SNX29: variants seen among roughly 807,000 people sequenced by gnomAD.
SNX29 encodes sorting nexin-29.
SNX29 carries 78 observed loss-of-function variants against 102.1 expected under a neutral mutation model. That is an observed-to-expected ratio of 0.76 (90% CI 0.64 to 0.92). The LOEUF is 0.92. Ranked by LOEUF, SNX29 falls within the 40% of genes least tolerant of loss-of-function variation. SNX29 has a pLI of 0.00. For synonymous variants in SNX29, 580 were observed against 414.5 expected, an observed-to-expected ratio of 1.40 and a Z score of -4.85; for missense variants, 1,280 against 1,061.7, an observed-to-expected ratio of 1.21 and a Z score of -2.86.
At chr16:12,517,428 T>G (rs925913743) in intron 19 of SNX29, among the ~76,000 whole-genome samples, 1 of 152,208 alleles carries the variant, frequency 6.6e-6, no homozygotes, top group Non-Finnish European at 1.5e-5. Flanking sequence ...TCCCTGGTGT[T>G]CGGCTCTCTT....
At position 12,571,805 on chromosome 16, in the gene SNX29, A is replaced by T. The variant is rs1250303657; in HGVS notation, c.*3176A>T. 12 of 1,028,432 alleles carry T rather than the reference A, an allele frequency of 1.2e-5. No individual in the cohort carries two copies. Among genetic ancestry groups the T allele is most frequent in the Non-Finnish European group, 1.4e-5 (12 of 846,994 alleles). 63.7% of individuals were successfully genotyped at this position (1,028,432 alleles called of 1,614,324 possible). A position where few individuals can be genotyped will look rare whatever the true frequency, so the allele number is the denominator to read the frequency against. On this transcript the variant is annotated 3_prime_UTR_variant, in exon 21 of 21. Coordinates refer to ENST00000566228, the MANE Select transcript of SNX29 (RefSeq NM_032167.5). ...CGCCACTCTTCCTGCAATCAGTGTG[A>T]AATTCCAGCTTCTTTGATTCCCACT... is the stretch of plus-strand genomic sequence containing the variant.
intron 18 of SNX29, among the ~76,000 whole-genome samples, chr16:12,415,906 G>C (rs2084616762): frequency 6.6e-6 from 1 of 152,162 alleles, no homozygotes; most frequent in Admixed American, 6.5e-5. Flanking sequence ...CCCCTGGGGA[G>C]ATCATCTTGT....
rs1033615861 is a variant in SNX29 at position 12,096,895 on chromosome 16, A to ACATT, written c.1402+17980_1402+17981insCATT. Among the ~76,000 whole-genome samples, 4 of 152,202 alleles carry ACATT rather than the reference A, an allele frequency of 2.6e-5. No individual in the cohort carries two copies. The highest frequency in any genetic ancestry group is 9.6e-5 in the African/African-American group (4 of 41,452). ...GAACCGATGACAGCAGGATGAATGT[A>ACATT]GCAAGGATAGGGTGGCTGAGGTCCA... is the stretch of plus-strand genomic sequence containing the variant. On this transcript the variant is annotated intron_variant, in intron 11 of 20. Coordinates refer to ENST00000566228, the MANE Select transcript of SNX29 (RefSeq NM_032167.5). This position sits in a 1 kb window ranked among gnomAD's most constrained non-coding sequence, Gnocchi z 4.2.
At chr16:12,240,572 T>C (rs1030983698) in intron 14 of SNX29, among the ~76,000 whole-genome samples, 2 of 150,092 alleles carry the variant, frequency 1.3e-5, no homozygotes, top group Non-Finnish European at 3.0e-5. Flanking sequence ...AAAATAGCAT[T>C]TCTTTGTCAT....
chr16:12,337,097 T>C (rs2081474558), intron 15 of SNX29, among the ~76,000 whole-genome samples: 1 of 152,158 alleles, frequency 6.6e-6, no homozygotes, highest in Non-Finnish European at 1.5e-5. Flanking sequence ...TGCTAAACTC[T>C]TTTACAGACA....
At chr16:12,184,626 C>T (rs1276155192) in intron 13 of SNX29, among the ~76,000 whole-genome samples, 1 of 152,182 alleles carries the variant, frequency 6.6e-6, no homozygotes, top group African/African-American at 2.4e-5. Flanking sequence ...GGGCACTGAC[C>T]TGTAAAAAGC....
chr16:12,102,922 G>A (rs548972676), intron 11 of SNX29, among the ~76,000 whole-genome samples: 1 of 152,050 alleles, frequency 6.6e-6, no homozygotes, highest in Non-Finnish European at 1.5e-5. Flanking sequence ...TAATAATAGA[G>A]AGCCAAATCA....
chr16:12,136,431 A>G (rs1381466452), intron 13 of SNX29, among the ~76,000 whole-genome samples: 1 of 152,190 alleles, frequency 6.6e-6, no homozygotes, highest in Non-Finnish European at 1.5e-5. Flanking sequence ...TGATGCTAAC[A>G]TGCCTTTGAT....
Position 12,537,857 on chromosome 16 carries a change from C to T in SNX29, c.2318+13016C>T, listed in dbSNP as rs8055050. Among the ~76,000 whole-genome samples the T allele has an allele frequency of 7.0e-3, 1,061 of 152,150 alleles. 12 individuals carry two copies. Among genetic ancestry groups the T allele is most frequent in the African/African-American group, 0.023 (967 of 41,482 alleles). ...TTGTCTGGCTGGGCATGGTGGCTCA[C>T]GCTTATAGTCCCAGCTTTTTGGGAC... On this transcript the variant is annotated intron_variant, in intron 20 of 20. Transcript: ENST00000566228.
intron 20 of SNX29, among the ~76,000 whole-genome samples, chr16:12,541,012 G>C (rs533741237): frequency 6.6e-6 from 1 of 152,148 alleles, no homozygotes; most frequent in Non-Finnish European, 1.5e-5. Context: ...CGGGTTTCCT[G>C]GGACAGCAAC....
chr16:12,111,973 C>T (rs1203505350), intron 11 of SNX29, among the ~76,000 whole-genome samples: 1 of 152,106 alleles, frequency 6.6e-6, no homozygotes, highest in South Asian at 2.1e-4. Flanking sequence ...GCAGGGCGTC[C>T]GCAGACACAC....
intron 1 of SNX29, among the ~76,000 whole-genome samples, chr16:11,989,925 A>C (rs1013484257): frequency 2.0e-5 from 3 of 152,198 alleles, no homozygotes; most frequent in Non-Finnish European, 4.4e-5. Flanking sequence ...TTGATGATGT[A>C]GCCCTTTTTC....
chr16:12,483,400 C>G (rs892450139), intron 19 of SNX29, among the ~76,000 whole-genome samples: 2 of 150,546 alleles, frequency 1.3e-5, no homozygotes, highest in Admixed American at 1.3e-4. Flanking sequence ...TCACTGCAAT[C>G]TCCGCCTCCC....
chr16:12,559,978 C>T (rs776652799), intron 20 of SNX29, among the ~76,000 whole-genome samples: 12 of 151,944 alleles, frequency 7.9e-5, no homozygotes, highest in East Asian at 1.9e-4. Context: ...GACTCCACCA[C>T]GAAAAAAAGA....
chr16:12,194,602 A>G (rs2037683746), intron 13 of SNX29, among the ~76,000 whole-genome samples: 1 of 144,724 alleles, frequency 6.9e-6, no homozygotes, highest in Admixed American at 7.1e-5. Flanking sequence ...TGATGTTACT[A>G]TAGGATTTGG....
At chr16:12,446,016 G>A (rs1279730123) in intron 18 of SNX29, among the ~76,000 whole-genome samples, 1 of 151,242 alleles carries the variant, frequency 6.6e-6, no homozygotes, top group Non-Finnish European at 1.5e-5. Flanking sequence ...TGCAGCTCCT[G>A]GACGTGCAGT....
chr16:12,266,044 C>G (rs779030788), intron 14 of SNX29, among the ~76,000 whole-genome samples: 1 of 152,122 alleles, frequency 6.6e-6, no homozygotes, highest in Non-Finnish European at 1.5e-5. Context: ...AGTCCAAGAG[C>G]TGCTAGTTAG....
chr16:12,523,892 T>G (rs369805421), intron 19 of SNX29, among the ~76,000 whole-genome samples: 73 of 152,072 alleles, frequency 4.8e-4, no homozygotes, highest in South Asian at 2.3e-3. Flanking sequence ...TAGGTTTTTT[T>G]TGTGTGTGTG....
intron 20 of SNX29, among the ~76,000 whole-genome samples, chr16:12,566,526 G>C (rs1056784831): frequency 6.6e-6 from 1 of 152,212 alleles, no homozygotes; most frequent in South Asian, 2.1e-4. Context: ...CCCCGCATCT[G>C]AAGAGCATGA....
Sources: allele counts gnomAD v4.1 joint callset (sites outside exome capture counted in the v4.1 genomes callset), GRCh38; gene constraint gnomAD v4.1.1; non-coding constraint Gnocchi (gnomAD v3.1); transcripts MANE v1.5; gene names NCBI Gene and HGNC (gene_info 2026-07-23, HGNC 2026-07-21).